The following PLXNA4 variants were observed in gnomAD, a reference collection of about 807,000 sequenced individuals.
The protein encoded by PLXNA4 is plexin A4.
In PLXNA4, 44 loss-of-function variants were observed where a neutral mutation model predicts 191.8. The observed-to-expected ratio is 0.23, with a 90% CI of 0.18 to 0.29. The LOEUF is 0.29. Ranked by LOEUF, PLXNA4 falls within the 10% of genes least tolerant of loss-of-function variation. The pLI is 1.00. For missense variants in PLXNA4, 1,800 were observed against 2,488.8 expected, an observed-to-expected ratio of 0.72 and a Z score of 5.89; for synonymous variants, 1,082 against 1,009.5, an observed-to-expected ratio of 1.07 and a Z score of -1.36.
intron 2 of PLXNA4, among the ~76,000 whole-genome samples, chr7:132,624,350 A>G (rs1302687291): frequency 1.3e-5 from 2 of 152,176 alleles, no homozygotes. Context: ...CCCTGGCCAT[A>G]AGCACATGCC....
At chr7:132,470,210 G>C (rs1466262467) in intron 3 of PLXNA4, among the ~76,000 whole-genome samples, 2 of 152,170 alleles carry the variant, frequency 1.3e-5, no homozygotes, top group Non-Finnish European at 2.9e-5. Flanking sequence ...AAATATCCAA[G>C]AGGGAGAGCT....
intron 9 of PLXNA4, among the ~76,000 whole-genome samples, chr7:132,219,147 G>T (rs1034504417): frequency 6.6e-6 from 1 of 152,180 alleles, no homozygotes; most frequent in Non-Finnish European, 1.5e-5. Flanking sequence ...CACTCAAAGG[G>T]TAAAAGGAAA....
At chr7:132,305,572 CCAGA>C (rs1429509955) in intron 3 of PLXNA4, among the ~76,000 whole-genome samples, 1 of 152,186 alleles carries the variant, frequency 6.6e-6, no homozygotes, top group African/African-American at 2.4e-5. Flanking sequence ...CTCCGCACTG[CCAGA>C]CAGACTGCTA....
chr7:132,149,748 G>T (rs1425704838), intron 25 of PLXNA4, among the ~76,000 whole-genome samples: 1 of 152,196 alleles, frequency 6.6e-6, no homozygotes, highest in Non-Finnish European at 1.5e-5. Context: ...GGATTAAGTG[G>T]CCTGGCAGTC....
chr7:132,627,037 A>G (rs1803391369), intron 2 of PLXNA4, among the ~76,000 whole-genome samples: 1 of 152,198 alleles, frequency 6.6e-6, no homozygotes, highest in Non-Finnish European at 1.5e-5. Context: ...CCTTGGCTCA[A>G]CCCTTCATCA....
rs979228015 is a variant in PLXNA4, at chr7:132,474,778, A to G, written c.1371+14514T>C. ...GCATTTCTACCTTGCCTGGGCTCAC[A>G]TGGCTGTTTGCATTTGTGAGTCTGA... On this transcript the variant is annotated intron_variant, in intron 3 of 31. Coordinates refer to ENST00000321063, the MANE Select transcript of PLXNA4 (RefSeq NM_020911.2). Among the ~76,000 whole-genome samples the G allele has an allele frequency of 8.5e-5, 13 of 152,284 alleles. No homozygotes were observed. In the East Asian group the frequency reaches 1.5e-3, roughly 18 times the overall value.
intron 3 of PLXNA4, among the ~76,000 whole-genome samples, chr7:132,440,637 GTTTT>G (rs926600782): frequency 1.3e-5 from 2 of 151,932 alleles, no homozygotes; most frequent in African/African-American, 2.4e-5. Context: ...TGCTTTTGCA[GTTTT>G]TTTTAAGGGC....
chr7:132,372,980 C>T lies in PLXNA4; in HGVS notation c.1372-74758G>A, dbSNP rs567872998. 1.7e-4 allele frequency among the ~76,000 whole-genome samples: 26 copies of T among 152,308 alleles called. 1 individual carries two copies. The South Asian group carries it at 5.4e-3, about 32-fold the overall frequency. The stretch of plus-strand genomic sequence containing the variant: ...AACCATAAAATAATTTAATGCTATG[C>T]CAACTATATAATGCCAAACATTTAT... On this transcript the variant is annotated intron_variant, in intron 3 of 31. Transcript: ENST00000321063.
intron 4 of PLXNA4, among the ~76,000 whole-genome samples, chr7:132,241,832 C>G (rs1043970593): frequency 6.6e-6 from 1 of 152,188 alleles, no homozygotes; most frequent in Non-Finnish European, 1.5e-5. Flanking sequence ...CCTACCCACA[C>G]TCTTTTCATG....
At chr7:132,617,470 C>T (rs1585408155) in intron 2 of PLXNA4, among the ~76,000 whole-genome samples, 1 of 152,218 alleles carries the variant, frequency 6.6e-6, no homozygotes, top group Middle Eastern at 3.2e-3. Flanking sequence ...TTCCCTGTTT[C>T]TGCATGTCCT....
intron 3 of PLXNA4, among the ~76,000 whole-genome samples, chr7:132,301,563 G>A (rs1164889632): frequency 1.3e-5 from 2 of 152,184 alleles, no homozygotes; most frequent in African/African-American, 4.8e-5. Flanking sequence ...GGGTCTGATT[G>A]TTTCCAGTGG....
At chr7:132,343,595 C>T (rs1803124613) in intron 3 of PLXNA4, among the ~76,000 whole-genome samples, 1 of 152,202 alleles carries the variant, frequency 6.6e-6, no homozygotes. Context: ...AACTGAGGCT[C>T]AGAAGAGAGT....
At chr7:132,634,462 GCA>G (rs146537137) in intron 2 of PLXNA4, among the ~76,000 whole-genome samples, 164 of 146,370 alleles carry the variant, frequency 1.1e-3, no homozygotes, top group East Asian at 8.6e-3. Context: ...CACTGCCCCA[GCA>G]CACACACACA....
At position 132,311,188 on chromosome 7, in the gene PLXNA4, G is replaced by GTGTGTGTGTGTGTGTGTT. The variant is rs1387461691; in HGVS notation, c.1372-12967_1372-12966insAACACACACACACACACA. Reference sequence around the variant, plus strand: ...TGTGTGTGTGTGTGTGTGTGTGTGTGTGTGTGCGCGTGTGGCCTAAAGGAG... The same window carrying GTGTGTGTGTGTGTGTGTT: ...TGTGTGTGTGTGTGTGTGTGTGTGTGTGTGTGTGTGTGTGTGTTTGTGTGCGCGTGTGGCCTAAAGGAG... On this transcript the variant is annotated intron_variant, in intron 3 of 31. Coordinates refer to ENST00000321063, the MANE Select transcript of PLXNA4 (RefSeq NM_020911.2). 1.9e-4 allele frequency among the ~76,000 whole-genome samples: 26 copies of GTGTGTGTGTGTGTGTGTT among 136,534 alleles called. 1 individual carries two copies. The highest frequency in any genetic ancestry group is 6.3e-4 in the African/African-American group (23 of 36,352). 89.6% of individuals were successfully genotyped at this position (136,534 alleles called of 152,430 possible). A position where few individuals can be genotyped will look rare whatever the true frequency, so the allele number is the denominator to read the frequency against.
rs183443665 is a variant in PLXNA4 at position 132,460,013 on chromosome 7, C to T, written c.1371+29279G>A. On this transcript the variant is annotated intron_variant, in intron 3 of 31. Transcript: ENST00000321063. ...TACCCAATGCAGTCACGATGGCAAC[C>T]GATAGCAAGAATACTTATGGCTGTG... is the stretch of plus-strand genomic sequence containing the variant. Among the ~76,000 whole-genome samples the T allele has an allele frequency of 6.4e-3, 970 of 151,854 alleles. 4 individuals carry two copies. The highest frequency in any genetic ancestry group is 0.017 in the Middle Eastern group (5 of 294).
chr7:132,359,477 A>G (rs1443602730), intron 3 of PLXNA4, among the ~76,000 whole-genome samples: 5 of 152,136 alleles, frequency 3.3e-5, no homozygotes, highest in Non-Finnish European at 1.5e-5. Flanking sequence ...ACGGTCTCCC[A>G]AAGTGCTGGG....
At chr7:132,249,129 G>A (rs1799159862) in intron 4 of PLXNA4, among the ~76,000 whole-genome samples, 1 of 152,256 alleles carries the variant, frequency 6.6e-6, no homozygotes, top group Non-Finnish European at 1.5e-5. Flanking sequence ...GAGGTTCCAA[G>A]CTGTAATCTA....
At chr7:132,487,232 G>C (rs767881752) in intron 3 of PLXNA4, among the ~76,000 whole-genome samples, 14 of 152,154 alleles carry the variant, frequency 9.2e-5, no homozygotes, top group Non-Finnish European at 8.8e-5. Context: ...CATCCTGCCA[G>C]CTAGTAAATG....
chr7:132,487,539 A>C (rs1462330051), intron 3 of PLXNA4, among the ~76,000 whole-genome samples: 6 of 152,224 alleles, frequency 3.9e-5, no homozygotes, highest in Admixed American at 3.9e-4. Context: ...TCACCTGCCC[A>C]AAAGCTCATG....
Sources: allele counts gnomAD v4.1 joint callset (sites outside exome capture counted in the v4.1 genomes callset), GRCh38; gene constraint gnomAD v4.1.1; transcripts MANE v1.5; gene names NCBI Gene and HGNC (gene_info 2026-07-23, HGNC 2026-07-21).